Variants in TNS2 observed in about 807,000 individuals in gnomAD.
The protein encoded by TNS2 is tensin-2.
In TNS2, 77 loss-of-function variants were observed where a neutral mutation model predicts 155.7. The ratio of observed to expected loss-of-function variants is 0.49; its 90% CI spans 0.41 to 0.60. TNS2 has a LOEUF of 0.60. TNS2 is among the 20% of genes least tolerant of loss of function. The pLI is 0.00. For synonymous variants in TNS2, 726 were observed against 763.9 expected (o/e 0.95, Z 0.82); for missense variants, 1,703 against 1,868.8 (o/e 0.91, Z 1.64).
At chr12:53,049,885 T>C (rs1943861610), upstream of TNS2, 3 of 493,624 alleles carry the variant, frequency 6.1e-6, no homozygotes, top group Non-Finnish European at 1.0e-5. Context: ...AACTCCAGAG[T>C]TGGGGGAGTA....
chr12:53,054,565 T>TGGGGG, intron 7 of TNS2, 124 bp downstream of exon 7: 2 of 325,166 alleles, frequency 6.2e-6, no homozygotes, highest in Non-Finnish European at 9.2e-6. Flanking sequence ...AGTGGTGGGG[T>TGGGGG]GGGGGCGGGG....
chr12:53,063,301 G>A lies in TNS2; in HGVS notation c.3992+44G>A, dbSNP rs1195248954. 7 of 1,613,920 alleles carry A rather than the reference G, an allele frequency of 4.3e-6. No individual in the cohort carries two copies. The South Asian group carries it at 7.7e-5, about 18-fold the overall frequency. On this transcript the variant is annotated intron_variant, in intron 26 of 28. Coordinates refer to ENST00000314250, the MANE Select transcript of TNS2 (RefSeq NM_170754.4). The surrounding 1 kb of genome is among the most constrained non-coding windows in gnomAD (Gnocchi z 5.6). ...GTAGAACCCCATGCTTAAGGCCCCT[G>A]GGGGCTCATGTTTCTGAGTGTGACC...
chr12:53,063,581 G>T lies in TNS2; in HGVS notation c.4080G>T (p.Gly1360=). ...PQDRRWTNPD[G]TTSKIFGFVA... ...TCTGCAGATGGACCAACCCAGACGG[G>T]ACCACCTCCAAGTAAGCCTCCCCAC... is the stretch of plus-strand genomic sequence containing the variant. The change falls in exon 28 of 29, where the codon GGG becomes GGT. Residue 1360 remains glycine (G), a synonymous_variant. Coordinates refer to ENST00000314250, the MANE Select transcript of TNS2 (RefSeq NM_170754.4). This position sits in a 1 kb window ranked among gnomAD's most constrained non-coding sequence, Gnocchi z 5.6. The T allele has an allele frequency of 5.0e-6, 8 of 1,614,000 alleles. No homozygotes were observed. The highest frequency in any genetic ancestry group is 6.8e-6 in the Non-Finnish European group (8 of 1,179,994).
intron 2 of TNS2, 128 bp downstream of exon 2, chr12:53,052,091 A>G: frequency 1.3e-6 from 1 of 797,982 alleles, no homozygotes; most frequent in Non-Finnish European, 2.0e-6. Flanking sequence ...AATGGCAGCT[A>G]AGAAGCAGCT....
At chr12:53,054,060 G>A (rs1237681435) in intron 6 of TNS2, 46 bp downstream of exon 6, 2 of 1,612,512 alleles carry the variant, frequency 1.2e-6, no homozygotes, top group Admixed American at 3.3e-5. Context: ...CCTTTCCGCC[G>A]GCCCCACACC....
intron 3 of TNS2, 181 bp from the exon 4 acceptor site, chr12:53,053,230 G>A: frequency 2.9e-6 from 2 of 682,658 alleles, no homozygotes; most frequent in East Asian, 2.8e-5. Context: ...GGGGGGCCTG[G>A]GGGGTGGGGG....
Position 53,050,884 on chromosome 12 carries a change from G to A in TNS2, c.75+624G>A, listed in dbSNP as rs890061781. 6.6e-6 allele frequency among the ~76,000 whole-genome samples: 1 copy of A among 152,140 alleles called. No homozygotes were observed. Among genetic ancestry groups the A allele is most frequent in the African/African-American group, 2.4e-5 (1 of 41,424 alleles). Reference sequence around the variant, plus strand: ...CCTTGCCCCAAAAGCAGCAGCTCAGGACAACCTGAGATACTACTGTGATGG... The same window carrying A: ...CCTTGCCCCAAAAGCAGCAGCTCAGAACAACCTGAGATACTACTGTGATGG... On this transcript the variant is annotated intron_variant, in intron 1 of 28. Coordinates refer to ENST00000314250, the MANE Select transcript of TNS2 (RefSeq NM_170754.4). The surrounding 1 kb of genome is among the most constrained non-coding windows in gnomAD (Gnocchi z 4.7).
rs1944200959 is a variant in TNS2, at chr12:53,057,492, G to A, written c.846-75G>A. 4 of 1,121,952 alleles carry A rather than the reference G, an allele frequency of 3.6e-6. No individual in the cohort carries two copies. In the African/African-American group the frequency reaches 4.6e-5, roughly 13 times the overall value. 69.5% of individuals were successfully genotyped at this position (1,121,952 alleles called of 1,614,324 possible). A position where few individuals can be genotyped will look rare whatever the true frequency, so the allele number is the denominator to read the frequency against. ...TGAGCAGAAGAGCGAGCCTTCTAAGGGTGGATGGTTGAAATGATACAAGGT... is the reference window on the plus strand; with the variant it reads ...TGAGCAGAAGAGCGAGCCTTCTAAGAGTGGATGGTTGAAATGATACAAGGT... On this transcript the variant is annotated intron_variant, in intron 11 of 28. Coordinates refer to ENST00000314250, the MANE Select transcript of TNS2 (RefSeq NM_170754.4).
intron 1 of TNS2, 37 bp from the exon 2 acceptor site, chr12:53,051,818 T>TG (rs1565601369): frequency 6.5e-7 from 1 of 1,549,786 alleles, no homozygotes; most frequent in African/African-American, 1.4e-5. Context: ...ATGGGCCCAC[T>TG]GGGAACTCAC....
rs1419899695 is a variant in TNS2 at position 53,056,997 on chromosome 12, G to A, written c.762-16G>A. Reference sequence around the variant, plus strand: ...GATTAATCCCTAATCCCCAACACTGGCCTTGCTATCCCCAGGGCGGACCAG... The same window carrying A: ...GATTAATCCCTAATCCCCAACACTGACCTTGCTATCCCCAGGGCGGACCAG... On this transcript the variant is annotated splice_polypyrimidine_tract_variant and intron_variant, in intron 10 of 28. Transcript: ENST00000314250. The A allele has an allele frequency of 6.2e-7, 1 of 1,611,232 alleles. No homozygotes were observed. Among genetic ancestry groups the A allele is most frequent in the Non-Finnish European group, 8.5e-7 (1 of 1,178,920 alleles).
At position 53,058,428 on chromosome 12, in the gene TNS2, T is replaced by C; in HGVS notation, c.1208T>C (p.Leu403Pro). The change falls in exon 15 of 29, where the codon CTT becomes CCT. Residue 403 changes from leucine to proline, a missense_variant. Coordinates refer to ENST00000314250, the MANE Select transcript of TNS2 (RefSeq NM_170754.4). ...GPQLTFPKDQ[L>P]DEAWTDERFP... The stretch of plus-strand genomic sequence containing the variant: ...CAGCTCACTTTCCCCAAGGACCAGC[T>C]TGACGAGGCCTGGACTGGTGAGTCT... The C allele has an allele frequency of 6.2e-7, 1 of 1,614,144 alleles. No individual in the cohort carries two copies. The highest frequency in any genetic ancestry group is 8.5e-7 in the Non-Finnish European group (1 of 1,180,004).
At position 53,060,482 on chromosome 12, in the gene TNS2, T is replaced by C. The variant is rs1487527739; in HGVS notation, c.2695T>C (p.Cys899Arg). The change falls in exon 19 of 29, where the codon TGC becomes CGC. Residue 899 changes from cysteine to arginine, a missense_variant. By Grantham distance (180) the Cys-to-Arg change is radical. Transcript: ENST00000314250. The surrounding 1 kb of genome is among the most constrained non-coding windows in gnomAD (Gnocchi z 6.1). ...TLPRSPRDAPCSASSELSGPS... is the reference protein window; with the variant it reads ...TLPRSPRDAPRSASSELSGPS... Reference sequence around the variant, plus strand: ...GCCTCGGTCTCCCCGAGATGCCCCATGCAGTGCTTCGTCAGAGTTGTCTGG... The same window carrying C: ...GCCTCGGTCTCCCCGAGATGCCCCACGCAGTGCTTCGTCAGAGTTGTCTGG... 2 of 1,613,770 alleles carry C rather than the reference T, an allele frequency of 1.2e-6. No individual in the cohort carries two copies. Among genetic ancestry groups the C allele is most frequent in the Non-Finnish European group, 1.7e-6 (2 of 1,179,958 alleles).
In TNS2 at chr12:53,051,843, C is replaced by T. The variant is rs190518278; in HGVS notation, c.76-12C>T. 1.9e-6 allele frequency: 3 copies of T among 1,608,058 alleles called. No homozygotes were observed. The highest frequency in any genetic ancestry group is 2.7e-5 in the African/African-American group (2 of 74,800). ...TGGGAACTCACACCTCTGTTTGTCC[C>T]TCCACCTTCAGCCTAGGAAAGCTGA... On this transcript the variant is annotated splice_polypyrimidine_tract_variant and intron_variant, in intron 1 of 28. Transcript: ENST00000314250.
At chr12:53,049,627 G>A (rs1385186656), upstream of TNS2, among the ~76,000 whole-genome samples, 2 of 152,102 alleles carry the variant, frequency 1.3e-5, no homozygotes. Context: ...CTGACTCTCA[G>A]GACACACTCG....
chr12:53,062,433 G>C lies in TNS2; in HGVS notation c.3725G>C (p.Cys1242Ser), dbSNP rs201607650. The C allele has an allele frequency of 1.2e-6, 2 of 1,613,914 alleles. No homozygotes were observed. Among genetic ancestry groups the C allele is most frequent in the South Asian group, 2.2e-5 (2 of 91,076 alleles). The stretch of plus-strand genomic sequence containing the variant: ...ATCTCCCCCATCTCCCTGCCCTGCT[G>C]CCTGCGCATTCCCAGCAAAGGTGAG... ...HSISPISLPC[C>S]LRIPSKDPLE... The change falls in exon 24 of 29, where the codon TGC (cysteine) becomes TCC (serine). Residue 1242 changes from cysteine to serine, a missense_variant. Physicochemically the swap from Cys to Ser is moderately radical, Grantham distance 112. Transcript: ENST00000314250.
chr12:53,051,038 G>A lies in TNS2; in HGVS notation c.75+778G>A, dbSNP rs542984701. Among the ~76,000 whole-genome samples the A allele has an allele frequency of 2.6e-5, 4 of 152,328 alleles. No homozygotes were observed. In the South Asian group the frequency reaches 8.3e-4, roughly 32 times the overall value. ...GAGGAGAGAACCCACAGTGGGAGGG[G>A]AAGGGACTGAGATAGGCCTGGGCCA... On this transcript the variant is annotated intron_variant, in intron 1 of 28. Transcript: ENST00000314250.
rs576337085 is a variant in TNS2, at chr12:53,058,030, C to T, written c.1023C>T (p.His341=). The T allele has an allele frequency of 2.7e-5, 43 of 1,614,162 alleles. No homozygotes were observed. The South Asian group carries it at 4.3e-4, about 16-fold the overall frequency. The change falls in exon 14 of 29, where the codon CAC becomes CAT. Residue 341 remains histidine (H), a synonymous_variant. Transcript: ENST00000314250. ...MQLVYTSGVY[H]IAGPGPQQLC... ...GCCTTCTCCTCTCTCCCCACAGTCA[C>T]ATTGCAGGCCCTGGTCCCCAGCAGC...
chr12:53,058,233 G>T, intron 14 of TNS2, 83 bp from the exon 15 acceptor site: 1 of 1,603,668 alleles, frequency 6.2e-7, no homozygotes, highest in Non-Finnish European at 8.5e-7. Flanking sequence ...AGGCAGGGCA[G>T]AAGCTGTGAC....
chr12:53,063,100 C>T lies in TNS2; in HGVS notation c.3835C>T (p.Leu1279Phe), dbSNP rs375171046. ...CCCTGCCCCTGTAGCCTGCAGCGTG[C>T]TCTACTTGACCTCAGTGGAGACAGA... ...LLRQGAACSV[L>F]YLTSVETESL... is the part of the protein sequence containing the mutation. The change falls in exon 26 of 29, where the codon CTC becomes TTC. Residue 1279 changes from leucine to phenylalanine, a missense_variant. By Grantham distance (22) the Leu-to-Phe change is conservative (BLOSUM62 0). Coordinates refer to ENST00000314250, the MANE Select transcript of TNS2 (RefSeq NM_170754.4). The surrounding 1 kb of genome is among the most constrained non-coding windows in gnomAD (Gnocchi z 5.6). 4 of 1,552,752 alleles carry T rather than the reference C, an allele frequency of 2.6e-6. No homozygotes were observed. The highest frequency in any genetic ancestry group is 3.5e-6 in the Non-Finnish European group (4 of 1,151,668).
Sources: gnomAD v4.1 joint callset for allele counts (sites outside exome capture counted in the v4.1 genomes callset) on GRCh38, gnomAD v4.1.1 for gene constraint, Gnocchi (gnomAD v3.1) non-coding constraint, MANE v1.5 for transcripts, NCBI Gene and HGNC (gene_info 2026-07-23, HGNC 2026-07-21) for gene names.